SLIT3: variants seen among roughly 807,000 people sequenced by gnomAD.
The protein encoded by SLIT3 is slit guidance ligand 3.
A neutral mutation model predicts 184.0 loss-of-function variants in SLIT3; 68 were observed. The ratio of observed to expected loss-of-function variants is 0.37; its 90% CI spans 0.30 to 0.45. The LOEUF is 0.45. Ranked by LOEUF, SLIT3 falls within the 20% of genes least tolerant of loss-of-function variation. The pLI is 1.00. For synonymous variants in SLIT3, 831 were observed against 828.6 expected, an observed-to-expected ratio of 1.00 and a Z score of -0.05; for missense variants, 1,707 against 2,026.0, an observed-to-expected ratio of 0.84 and a Z score of 3.02.
At chr5:168,759,143 T>C (rs2337555) in intron 16 of SLIT3, among the ~76,000 whole-genome samples, 16,681 of 152,150 alleles carry the variant, frequency 0.11, 1,068 homozygotes, top group Non-Finnish European at 0.12. Flanking sequence ...CCTGATCCCA[T>C]GCATTTCAGA....
At chr5:169,228,761 T>A (rs1764894866) in intron 3 of SLIT3, among the ~76,000 whole-genome samples, 1 of 152,222 alleles carries the variant, frequency 6.6e-6, no homozygotes, top group African/African-American at 2.4e-5. Context: ...AGTTAGAACC[T>A]TAATTATGGA....
chr5:169,040,456 T>A (rs1757409766), intron 4 of SLIT3, among the ~76,000 whole-genome samples: 1 of 152,210 alleles, frequency 6.6e-6, no homozygotes, highest in African/African-American at 2.4e-5. Flanking sequence ...TTTAAGACAG[T>A]CTTGCATATT....
chr5:168,907,657 A>G (rs1761095973), intron 4 of SLIT3, among the ~76,000 whole-genome samples: 1 of 152,164 alleles, frequency 6.6e-6, no homozygotes, highest in Non-Finnish European at 1.5e-5. Flanking sequence ...AAATACATAT[A>G]GCATAGCACA....
At chr5:168,792,401 A>G (rs1242057397) in intron 10 of SLIT3, 1 of 152,218 alleles carries the variant, frequency 6.6e-6, no homozygotes, top group Non-Finnish European at 1.5e-5. Flanking sequence ...ACACATCTCC[A>G]GGTGATTCCA....
chr5:168,738,795 G>A (rs1451700961), intron 20 of SLIT3, among the ~76,000 whole-genome samples: 6 of 152,024 alleles, frequency 3.9e-5, no homozygotes, highest in East Asian at 1.9e-4. Context: ...AAAATTAGCC[G>A]GGCGCGGTGG....
rs79117398 is a variant in SLIT3 at position 168,676,740 on chromosome 5, A to ACC, written c.3687-3411_3687-3410dup. On this transcript the variant is annotated intron_variant, in intron 32 of 35. Coordinates refer to ENST00000519560, the MANE Select transcript of SLIT3 (RefSeq NM_003062.4). ...AGGTGTGTCAACATGCTGGACAGCC[A>ACC]CCTGTCAGAAAGGGAGTTGTCAAGA... Among the ~76,000 whole-genome samples, 690 of 152,320 alleles carry ACC rather than the reference A, an allele frequency of 4.5e-3. 20 individuals carry two copies. In the East Asian group the frequency reaches 0.063, roughly 14 times the overall value.
intron 4 of SLIT3, among the ~76,000 whole-genome samples, chr5:169,029,345 C>T (rs898731762): frequency 6.6e-6 from 1 of 152,166 alleles, no homozygotes; most frequent in Non-Finnish European, 1.5e-5. Flanking sequence ...CATTTGTTCT[C>T]AAAGGGTGGC....
intron 4 of SLIT3, among the ~76,000 whole-genome samples, chr5:169,182,764 G>A (rs6873937): frequency 0.2 from 30,758 of 152,156 alleles, 3,651 homozygotes; most frequent in African/African-American, 0.31. Flanking sequence ...ATACAATGCA[G>A]TATTTCCCTA....
intron 3 of SLIT3, among the ~76,000 whole-genome samples, chr5:169,200,691 G>C (rs2113486721): frequency 6.6e-6 from 1 of 152,348 alleles, no homozygotes; most frequent in Middle Eastern, 3.4e-3. Context: ...AGAGTCAAAA[G>C]AGTAGAGATC....
intron 11 of SLIT3, 65 bp from the exon 12 acceptor site, chr5:168,786,043 A>C: frequency 8.7e-7 from 1 of 1,152,158 alleles, no homozygotes; most frequent in Non-Finnish European, 1.3e-6. Flanking sequence ...CCAGTCCTGC[A>C]GGAAGCCATC....
intron 4 of SLIT3, among the ~76,000 whole-genome samples, chr5:169,096,397 C>T (rs1191555249): frequency 6.6e-6 from 1 of 152,138 alleles, no homozygotes; most frequent in Non-Finnish European, 1.5e-5. Context: ...CAGGGGTTAG[C>T]AAATGTTTTT....
intron 4 of SLIT3, among the ~76,000 whole-genome samples, chr5:168,976,069 G>T (rs950039187): frequency 6.6e-6 from 1 of 152,138 alleles, no homozygotes; most frequent in Non-Finnish European, 1.5e-5. Context: ...TGCAGGCACC[G>T]CTGGATACCA....
chr5:168,947,790 G>GTTTTTTTCTTTTT (rs1762529697), intron 4 of SLIT3, among the ~76,000 whole-genome samples: 1 of 152,040 alleles, frequency 6.6e-6, no homozygotes, highest in African/African-American at 2.4e-5. Context: ...TTGTTGTTTT[G>GTTTTTTTCTTTTT]TTTTTTTCTT....
chr5:168,910,481 C>A (rs974617795), intron 4 of SLIT3, among the ~76,000 whole-genome samples: 1 of 152,128 alleles, frequency 6.6e-6, no homozygotes, highest in East Asian at 1.9e-4. Flanking sequence ...TGGTGGCTCA[C>A]GCCTGTAATC....
At chr5:168,935,734 A>G (rs1009982417) in intron 4 of SLIT3, among the ~76,000 whole-genome samples, 4 of 152,220 alleles carry the variant, frequency 2.6e-5, no homozygotes, top group African/African-American at 7.2e-5. Flanking sequence ...GGAAGAAAAG[A>G]AAGCTTCAGC....
intron 3 of SLIT3, among the ~76,000 whole-genome samples, chr5:169,236,735 G>A (rs1160198802): frequency 6.6e-6 from 1 of 152,132 alleles, no homozygotes; most frequent in Non-Finnish European, 1.5e-5. Context: ...CTCCAAAAGT[G>A]CTGGGATAAC....
At chr5:168,963,604 C>T (rs903470280) in intron 4 of SLIT3, among the ~76,000 whole-genome samples, 3 of 152,184 alleles carry the variant, frequency 2.0e-5, no homozygotes, top group Admixed American at 1.3e-4. Flanking sequence ...ATCAGTGACC[C>T]CTGGATTAGA....
intron 1 of SLIT3, among the ~76,000 whole-genome samples, chr5:169,255,559 G>A (rs969506633): frequency 2.0e-5 from 3 of 152,124 alleles, no homozygotes; most frequent in East Asian, 1.9e-4. Context: ...GTGTTATTAC[G>A]AAGGAATAAA....
At chr5:169,154,381 G>C (rs1762229995) in intron 4 of SLIT3, among the ~76,000 whole-genome samples, 1 of 152,160 alleles carries the variant, frequency 6.6e-6, no homozygotes, top group African/African-American at 2.4e-5. Context: ...GCCATACCCT[G>C]CACTTCCTGA....
Sources: gnomAD v4.1 joint callset for allele counts (sites outside exome capture counted in the v4.1 genomes callset) on GRCh38, gnomAD v4.1.1 for gene constraint, MANE v1.5 for transcripts, NCBI Gene and HGNC (gene_info 2026-07-23, HGNC 2026-07-21) for gene names.